The following CNTN5 variants were observed in gnomAD, a reference collection of about 807,000 sequenced individuals.
CNTN5 encodes contactin-5.
A neutral mutation model predicts 129.1 loss-of-function variants in CNTN5; 77 were observed. The ratio of observed to expected loss-of-function variants is 0.60; its 90% CI spans 0.50 to 0.72. The LOEUF (loss-of-function observed/expected upper bound fraction) is 0.72, where lower values mean the gene tolerates loss of function less well. Ranked by LOEUF, CNTN5 falls within the 30% of genes least tolerant of loss-of-function variation. CNTN5 has a pLI of 0.00. For synonymous variants in CNTN5, 509 were observed against 465.6 expected, an observed-to-expected ratio of 1.09 and a Z score of -1.20; for missense variants, 1,478 against 1,328.8, an observed-to-expected ratio of 1.11 and a Z score of -1.75.
chr11:99,895,344 C>CATT (rs1949177909), intron 6 of CNTN5, among the ~76,000 whole-genome samples: 2 of 152,222 alleles, frequency 1.3e-5, no homozygotes, highest in African/African-American at 4.8e-5. Context: ...ATGAAAACTT[C>CATT]TCATACCCTA....
In CNTN5 at chr11:99,792,573, G is replaced by GTGTGTGTGTCTGTC. The variant is rs34622017; in HGVS notation, c.56-26968_56-26967insGTGTGTCTGTCTGT. Among the ~76,000 whole-genome samples the GTGTGTGTGTCTGTC allele has an allele frequency of 8.2e-3, 956 of 116,672 alleles. 14 individuals carry two copies. The highest frequency in any genetic ancestry group is 0.031 in the African/African-American group (840 of 27,264). 76.5% of individuals were successfully genotyped at this position (116,672 alleles called of 152,430 possible). A position where few individuals can be genotyped will look rare whatever the true frequency, so the allele number is the denominator to read the frequency against. On this transcript the variant is annotated intron_variant, in intron 3 of 24. Transcript: ENST00000524871. ...TGTGTGTGTGTGTGTGTGTGTGTGT[G>GTGTGTGTGTCTGTC]TGTCTGTCTGTCTGTCTGTCTGTCT...
chr11:99,143,649 G>T (rs1471934202), intron 1 of CNTN5, among the ~76,000 whole-genome samples: 1 of 151,960 alleles, frequency 6.6e-6, no homozygotes, highest in Non-Finnish European at 1.5e-5. Context: ...TAAGTTATGT[G>T]CACTACTGAT....
At chr11:99,379,769 G>T (rs1479128467) in intron 2 of CNTN5, among the ~76,000 whole-genome samples, 1 of 152,110 alleles carries the variant, frequency 6.6e-6, no homozygotes. Flanking sequence ...AAGCTTTGGT[G>T]GGTGACAGAA....
intron 1 of CNTN5, among the ~76,000 whole-genome samples, chr11:99,264,933 T>C (rs1862818074): frequency 6.6e-6 from 1 of 152,096 alleles, no homozygotes; most frequent in African/African-American, 2.4e-5. Context: ...ATTTTATGTT[T>C]TTATAATTCT....
At chr11:100,007,797 T>C (rs2137505994) in intron 9 of CNTN5, among the ~76,000 whole-genome samples, 1 of 152,190 alleles carries the variant, frequency 6.6e-6, no homozygotes, top group East Asian at 1.9e-4. Flanking sequence ...CTTTTTTTTT[T>C]TCATTCACAA....
intron 17 of CNTN5, among the ~76,000 whole-genome samples, chr11:100,257,802 C>G (rs1950107806): frequency 6.6e-6 from 1 of 152,090 alleles, no homozygotes; most frequent in African/African-American, 2.4e-5. Flanking sequence ...ACATCGAAGA[C>G]CAAAGATAGA....
At chr11:100,309,255 G>T in intron 21 of CNTN5, 1 of 984,516 alleles carries the variant, frequency 1.0e-6, no homozygotes, top group Non-Finnish European at 1.2e-6. Context: ...TTCCCATTAA[G>T]AGAAAATCAT....
intron 16 of CNTN5, among the ~76,000 whole-genome samples, chr11:100,243,453 C>A (rs1949781809): frequency 1.3e-5 from 2 of 152,172 alleles, no homozygotes; most frequent in African/African-American, 4.8e-5. Flanking sequence ...CACCTTGGGA[C>A]AGGAAACCTC....
intron 2 of CNTN5, among the ~76,000 whole-genome samples, chr11:99,467,744 T>C (rs532022452): frequency 8.5e-4 from 130 of 152,290 alleles, no homozygotes; most frequent in African/African-American, 3.1e-3. Context: ...ATTTTCTCAA[T>C]AGTCACCAGT....
intron 14 of CNTN5, among the ~76,000 whole-genome samples, chr11:100,193,087 T>C (rs575484700): frequency 1.1e-4 from 16 of 152,096 alleles, no homozygotes; most frequent in African/African-American, 3.9e-4. Flanking sequence ...GAACCCTCTC[T>C]GAATTCTTCC....
In CNTN5 at chr11:99,668,363, C is replaced by T. The variant is rs149894083; in HGVS notation, c.55+112094C>T. Among the ~76,000 whole-genome samples the T allele has an allele frequency of 2.0e-5, 3 of 152,226 alleles. No individual in the cohort carries two copies. In the East Asian group the frequency reaches 5.8e-4, roughly 29 times the overall value. On this transcript the variant is annotated intron_variant, in intron 3 of 24. Coordinates refer to ENST00000524871, the MANE Select transcript of CNTN5 (RefSeq NM_014361.4). ...TGATTCAGACAGCAGCAAAGAGGGA[C>T]TCAGTGGATGTCAGTCCTGGAGTGG...
At chr11:99,862,779 C>A (rs1231812159) in intron 6 of CNTN5, among the ~76,000 whole-genome samples, 2 of 152,008 alleles carry the variant, frequency 1.3e-5, no homozygotes, top group African/African-American at 4.8e-5. Flanking sequence ...ATATTTAATT[C>A]TTGCATAAAT....
intron 2 of CNTN5, among the ~76,000 whole-genome samples, chr11:99,427,013 C>T (rs1328442189): frequency 3.3e-5 from 5 of 152,162 alleles, no homozygotes; most frequent in Middle Eastern, 3.4e-3. Context: ...GAAATTATTT[C>T]GATAAAACAT....
chr11:100,140,733 GAT>G (rs1946671884), intron 13 of CNTN5, among the ~76,000 whole-genome samples: 1 of 152,154 alleles, frequency 6.6e-6, no homozygotes, highest in Non-Finnish European at 1.5e-5. Context: ...AATTAAGACA[GAT>G]AGAGTGTTAG....
chr11:99,627,229 C>T (rs1015183112), intron 3 of CNTN5, among the ~76,000 whole-genome samples: 17 of 152,096 alleles, frequency 1.1e-4, no homozygotes, highest in African/African-American at 2.2e-4. Flanking sequence ...CTATATCCCT[C>T]GCCTTACTTT....
At chr11:100,095,647 G>A (rs1219369823) in intron 13 of CNTN5, among the ~76,000 whole-genome samples, 1 of 152,048 alleles carries the variant, frequency 6.6e-6, no homozygotes, top group Admixed American at 6.6e-5. Context: ...TTGAAATAAA[G>A]TTTGAAAAAT....
chr11:99,212,720 C>A (rs1226876390), intron 1 of CNTN5, among the ~76,000 whole-genome samples: 1 of 151,962 alleles, frequency 6.6e-6, no homozygotes, highest in Non-Finnish European at 1.5e-5. Flanking sequence ...ATCAATCTAT[C>A]ATAATTTGCT....
chr11:99,822,778 A>G (rs932715049), intron 4 of CNTN5, among the ~76,000 whole-genome samples: 2 of 152,246 alleles, frequency 1.3e-5, no homozygotes, highest in African/African-American at 4.8e-5. Flanking sequence ...TTACAATGTA[A>G]TCTCTCACTT....
At position 99,914,762 on chromosome 11, in the gene CNTN5, A is replaced by G. The variant is rs1486010720; in HGVS notation, c.578-1292A>G. 2.6e-5 allele frequency among the ~76,000 whole-genome samples: 4 copies of G among 152,092 alleles called. No homozygotes were observed. In the East Asian group the frequency reaches 5.8e-4, roughly 22 times the overall value. On this transcript the variant is annotated intron_variant, in intron 6 of 24. Transcript: ENST00000524871. ...CTTCTCTGTTTCTTTATTTGGTGTC[A>G]TGTCTTCACTACTTATTAGACCCCC...
Sources: gnomAD v4.1 joint callset for allele counts (sites outside exome capture counted in the v4.1 genomes callset) on GRCh38, gnomAD v4.1.1 for gene constraint, MANE v1.5 for transcripts, NCBI Gene and HGNC (gene_info 2026-07-23, HGNC 2026-07-21) for gene names.